DOK6: variants seen among roughly 807,000 people sequenced by gnomAD.
DOK6 encodes the protein docking protein 6.
A neutral mutation model predicts 44.0 loss-of-function variants in DOK6; 22 were observed. The ratio of observed to expected loss-of-function variants is 0.50; its 90% CI spans 0.36 to 0.71. The LOEUF is 0.71. Ranked by LOEUF, DOK6 falls within the 30% of genes least tolerant of loss-of-function variation. The pLI, the probability that DOK6 is intolerant of heterozygous loss-of-function variation, is 0.00. For missense variants in DOK6, 340 were observed against 416.4 expected (o/e 0.82, Z 1.60); for synonymous variants, 166 against 145.5 (o/e 1.14, Z -1.01).
At chr18:69,454,387 A>C (rs1272476026) in intron 1 of DOK6, among the ~76,000 whole-genome samples, 27 of 138,742 alleles carry the variant, frequency 1.9e-4, no homozygotes, top group African/African-American at 7.3e-4. Flanking sequence ...TAGAATGGCA[A>C]TCATTAAAAA....
intron 6 of DOK6, among the ~76,000 whole-genome samples, chr18:69,740,195 T>G (rs745672397): frequency 1.1e-4 from 17 of 152,282 alleles, no homozygotes; most frequent in Non-Finnish European, 1.8e-4. Flanking sequence ...AGGATGAGAC[T>G]GTGGGGTTGA....
At chr18:69,777,664 C>T (rs182650743) in intron 7 of DOK6, among the ~76,000 whole-genome samples, 4 of 151,066 alleles carry the variant, frequency 2.6e-5, no homozygotes, top group Admixed American at 6.6e-5. Context: ...AAATGGCCTC[C>T]TTCCCAATCT....
At chr18:69,695,849 A>G (rs1171399693) in intron 4 of DOK6, among the ~76,000 whole-genome samples, 1 of 152,224 alleles carries the variant, frequency 6.6e-6, no homozygotes, top group Non-Finnish European at 1.5e-5. Flanking sequence ...ATCCAAAGGA[A>G]GACTGGAGAG....
chr18:69,617,192 C>T (rs1172108399), intron 3 of DOK6, among the ~76,000 whole-genome samples: 3 of 151,990 alleles, frequency 2.0e-5, no homozygotes, highest in Non-Finnish European at 4.4e-5. Flanking sequence ...TGGTGGCTCA[C>T]GCCTGTAATT....
chr18:69,455,333 G>T (rs570792804), intron 1 of DOK6, among the ~76,000 whole-genome samples: 63 of 152,200 alleles, frequency 4.1e-4, no homozygotes, highest in Non-Finnish European at 8.5e-4. Context: ...ACACTGAAAG[G>T]CATTCTTGCA....
chr18:69,402,726 C>T (rs886917823), intron 1 of DOK6, among the ~76,000 whole-genome samples: 3 of 152,226 alleles, frequency 2.0e-5, no homozygotes, highest in African/African-American at 4.8e-5. Flanking sequence ...ACAGCAACGC[C>T]CCCCTTCCTC....
chr18:69,404,847 T>C (rs1916171241), intron 1 of DOK6, among the ~76,000 whole-genome samples: 2 of 152,006 alleles, frequency 1.3e-5, no homozygotes, highest in Non-Finnish European at 2.9e-5. Context: ...TCAAATTATC[T>C]TGGAGTGCCC....
chr18:69,709,552 TTAAA>T (rs1244919480), intron 5 of DOK6, among the ~76,000 whole-genome samples: 1 of 152,108 alleles, frequency 6.6e-6, no homozygotes, highest in Non-Finnish European at 1.5e-5. Context: ...TTTCTTGGTG[TTAAA>T]TAAATTCTAG....
chr18:69,605,381 C>A (rs958518802), intron 3 of DOK6, among the ~76,000 whole-genome samples: 5 of 152,116 alleles, frequency 3.3e-5, no homozygotes, highest in Admixed American at 6.6e-5. Flanking sequence ...ATGCTCTTAA[C>A]AACTAGGTCA....
intron 3 of DOK6, among the ~76,000 whole-genome samples, chr18:69,666,545 G>A (rs1451574873): frequency 6.6e-6 from 1 of 151,924 alleles, no homozygotes; most frequent in Non-Finnish European, 1.5e-5. Flanking sequence ...TACACAGTGA[G>A]TCTGCAGAAT....
chr18:69,568,534 T>C (rs555743647), intron 2 of DOK6, among the ~76,000 whole-genome samples: 101 of 152,290 alleles, frequency 6.6e-4, no homozygotes, highest in African/African-American at 2.3e-3. Context: ...GGGGCAGATG[T>C]AGTCACACCA....
chr18:69,581,070 A>T (rs567243961), intron 2 of DOK6, among the ~76,000 whole-genome samples: 1 of 152,340 alleles, frequency 6.6e-6, no homozygotes, highest in South Asian at 2.1e-4. Context: ...TCCATCGTGT[A>T]TATACGGCAC....
intron 3 of DOK6, among the ~76,000 whole-genome samples, chr18:69,668,264 C>T (rs926755295): frequency 5.3e-5 from 8 of 152,092 alleles, no homozygotes; most frequent in African/African-American, 1.7e-4. Context: ...TCTCCTCAAC[C>T]CTTTTTACTG....
intron 4 of DOK6, among the ~76,000 whole-genome samples, chr18:69,687,957 G>A (rs566793854): frequency 6.6e-6 from 1 of 152,188 alleles, no homozygotes; most frequent in Non-Finnish European, 1.5e-5. Context: ...AATTCTACCA[G>A]AAAGTAACTA....
At chr18:69,667,377 GT>G (rs1168605116) in intron 3 of DOK6, among the ~76,000 whole-genome samples, 2 of 152,208 alleles carry the variant, frequency 1.3e-5, no homozygotes. Flanking sequence ...TCCAACTTCT[GT>G]TTCTCTTCTC....
chr18:69,536,820 T>C (rs530723878), intron 1 of DOK6, among the ~76,000 whole-genome samples: 1 of 152,024 alleles, frequency 6.6e-6, no homozygotes, highest in South Asian at 2.1e-4. Context: ...AAGAGAGAAT[T>C]AGAAAGTCTA....
chr18:69,456,922 G>A (rs1979648270), intron 1 of DOK6, among the ~76,000 whole-genome samples: 1 of 152,042 alleles, frequency 6.6e-6, no homozygotes, highest in East Asian at 1.9e-4. Context: ...CATTTTTCAT[G>A]TTTGTTGGCC....
chr18:69,623,230 G>A (rs1984483791), intron 3 of DOK6, among the ~76,000 whole-genome samples: 2 of 152,142 alleles, frequency 1.3e-5, no homozygotes, highest in South Asian at 4.1e-4. Context: ...CTCCCCAGAA[G>A]CAGAAGCTTG....
chr18:69,713,425 C>T (rs2144717347), intron 5 of DOK6, among the ~76,000 whole-genome samples: 1 of 152,282 alleles, frequency 6.6e-6, no homozygotes, highest in Non-Finnish European at 1.5e-5. Context: ...CATACCAAAT[C>T]TCTTTTATTT....
Sources: allele counts gnomAD v4.1 joint callset (sites outside exome capture counted in the v4.1 genomes callset), GRCh38; gene constraint gnomAD v4.1.1; transcripts MANE v1.5; gene names NCBI Gene and HGNC (gene_info 2026-07-23, HGNC 2026-07-21).